The following RBM20 variants were observed in gnomAD, a reference collection of about 807,000 sequenced individuals.
The protein encoded by RBM20 is RNA-binding protein 20.
RBM20 carries 51 observed loss-of-function variants against 110.1 expected under a neutral mutation model. The observed-to-expected ratio is 0.46, with a 90% CI of 0.37 to 0.59. The LOEUF is 0.59. Among genes scored for constraint, RBM20 ranks in the 20% least tolerant of loss-of-function variants. RBM20 has a pLI of 0.00. For synonymous variants in RBM20, 589 were observed against 618.2 expected, an observed-to-expected ratio of 0.95 and a Z score of 0.70; for missense variants, 1,512 against 1,574.9, an observed-to-expected ratio of 0.96 and a Z score of 0.68.
intron 1 of RBM20, among the ~76,000 whole-genome samples, chr10:110,752,757 G>A (rs778162544): frequency 3.3e-5 from 5 of 152,014 alleles, no homozygotes; most frequent in Non-Finnish European, 4.4e-5. Context: ...CTGGCACCCA[G>A]AAGCCCTCGA....
At chr10:110,718,608 C>CTTTTTTTTTTT (rs61629487) in intron 1 of RBM20, among the ~76,000 whole-genome samples, 15 of 101,548 alleles carry the variant, frequency 1.5e-4, no homozygotes, top group Admixed American at 3.5e-4. Flanking sequence ...CTACTCCATT[C>CTTTTTTTTTTT]TTTTTTTTTT....
chr10:110,772,818 C>T (rs758808237), intron 1 of RBM20, among the ~76,000 whole-genome samples: 137 of 152,302 alleles, frequency 9.0e-4, no homozygotes, highest in Non-Finnish European at 1.4e-3. Context: ...ATATAATTAT[C>T]ATATTTTCCA....
At chr10:110,664,576 G>A (rs953548836) in intron 1 of RBM20, among the ~76,000 whole-genome samples, 18 of 151,790 alleles carry the variant, frequency 1.2e-4, no homozygotes, top group Admixed American at 5.3e-4. Flanking sequence ...GTGAAAACCC[G>A]TCTCTACTAA....
chr10:110,813,027 G>A lies in RBM20; in HGVS notation c.2550+80G>A, dbSNP rs186175791. ...TCATAATAATATAATGAGGATGAAC[G>A]TTTATTGAATGAATGAACATTTACT... On this transcript the variant is annotated intron_variant, in intron 9 of 13. Transcript: ENST00000369519. The A allele has an allele frequency of 8.4e-4, 857 of 1,016,136 alleles. 7 individuals carry two copies. The African/African-American group carries it at 0.012, about 14-fold the overall frequency. The allele number at this position is 1,016,136 out of a possible 1,614,324, so 62.9% of individuals were successfully genotyped here.
In RBM20 at chr10:110,644,431, G is replaced by T. The variant is rs995016754; in HGVS notation, c.-24G>T. 1.4e-6 allele frequency: 2 copies of T among 1,451,308 alleles called. No individual in the cohort carries two copies. Among genetic ancestry groups the T allele is most frequent in the Non-Finnish European group, 9.0e-7 (1 of 1,106,322 alleles). The allele number at this position is 1,451,308 out of a possible 1,614,324, so 89.9% of individuals were successfully genotyped here. On this transcript the variant is annotated 5_prime_UTR_variant, in exon 1 of 14. Transcript: ENST00000369519. The surrounding 1 kb of genome is among the most constrained non-coding windows in gnomAD (Gnocchi z 4.3). ...CCCCTCCCTTGAGCTCTCTCGCCGC[G>T]ATCCCGGGCGGGTCTCGCCCCGCAT...
At chr10:110,668,900 A>C (rs9651465) in intron 1 of RBM20, among the ~76,000 whole-genome samples, 1 of 151,606 alleles carries the variant, frequency 6.6e-6, no homozygotes, top group Admixed American at 6.6e-5. Context: ...AAAAAAAAAA[A>C]CCAAAAAACC....
chr10:110,671,740 T>C (rs1451379642), intron 1 of RBM20, among the ~76,000 whole-genome samples: 1 of 152,042 alleles, frequency 6.6e-6, no homozygotes, highest in East Asian at 1.9e-4. Context: ...GTTTAAGATA[T>C]ATATATATAT....
At chr10:110,808,311 G>A (rs544881760) in intron 7 of RBM20, among the ~76,000 whole-genome samples, 15 of 152,354 alleles carry the variant, frequency 9.8e-5, no homozygotes, top group African/African-American at 3.6e-4. Context: ...CAACAGGCTT[G>A]GCTTCTATCC....
chr10:110,750,065 G>A (rs1197272904), intron 1 of RBM20, among the ~76,000 whole-genome samples: 1 of 152,206 alleles, frequency 6.6e-6, no homozygotes, highest in Non-Finnish European at 1.5e-5. Flanking sequence ...ACACATAGGT[G>A]TTGCCTCTGG....
intron 1 of RBM20, among the ~76,000 whole-genome samples, chr10:110,738,366 G>A (rs1843693292): frequency 6.6e-6 from 1 of 152,166 alleles, no homozygotes; most frequent in African/African-American, 2.4e-5. Flanking sequence ...GGGGTCTGGG[G>A]GGAGCATGGC....
intron 10 of RBM20, 60 bp downstream of exon 10, chr10:110,820,236 C>A: frequency 8.4e-7 from 1 of 1,190,478 alleles, no homozygotes; most frequent in Non-Finnish European, 1.2e-6. Flanking sequence ...AGGAGTCCCC[C>A]TTTTGCCTGG....
chr10:110,646,538 A>C (rs1219916835), intron 1 of RBM20, among the ~76,000 whole-genome samples: 2 of 152,242 alleles, frequency 1.3e-5, no homozygotes, highest in Non-Finnish European at 1.5e-5. Flanking sequence ...TTCAGGGACC[A>C]GGTCCCAGGG....
chr10:110,671,551 T>C (rs1862258347), intron 1 of RBM20, among the ~76,000 whole-genome samples: 1 of 152,156 alleles, frequency 6.6e-6, no homozygotes, highest in Non-Finnish European at 1.5e-5. Flanking sequence ...AGTTACTGCC[T>C]CTTTAAAGTG....
chr10:110,734,618 C>CATTTTTTTTTTTTTTTTTTTT (rs34824300), intron 1 of RBM20, among the ~76,000 whole-genome samples: 2 of 136,532 alleles, frequency 1.5e-5, no homozygotes, highest in African/African-American at 2.7e-5. Context: ...AAAATTCCCT[C>CATTTTTTTTTTTTTTTTTTTT]TTTTTTTTTT....
At chr10:110,824,534 T>A (rs4918598) in intron 12 of RBM20, among the ~76,000 whole-genome samples, 84,293 of 151,864 alleles carry the variant, frequency 0.56, 23,590 homozygotes, top group East Asian at 0.65. Context: ...TAGTTTCCTC[T>A]CTGTAATTTA....
At chr10:110,779,208 AG>A (rs1215433575) in intron 1 of RBM20, among the ~76,000 whole-genome samples, 2 of 152,162 alleles carry the variant, frequency 1.3e-5, no homozygotes, top group Non-Finnish European at 2.9e-5. Flanking sequence ...GCAGGATGGA[AG>A]GGTTGGGACT....
intron 1 of RBM20, among the ~76,000 whole-genome samples, chr10:110,664,383 A>C (rs1862148369): frequency 6.6e-6 from 1 of 152,244 alleles, no homozygotes; most frequent in South Asian, 2.1e-4. Context: ...TGGGCATTAA[A>C]AATAATAACT....
intron 1 of RBM20, among the ~76,000 whole-genome samples, chr10:110,776,866 T>G (rs1844271979): frequency 1.3e-5 from 2 of 152,206 alleles, no homozygotes; most frequent in Admixed American, 6.5e-5. Context: ...CTGAAGCTCC[T>G]GCATTGGAGT....
At chr10:110,782,026 C>G in intron 2 of RBM20, 142 bp downstream of exon 2, 1 of 1,010,676 alleles carries the variant, frequency 9.9e-7, no homozygotes, top group South Asian at 1.5e-5. Context: ...TGACTAAAAT[C>G]ACAGGTATTA....
Sources: allele counts gnomAD v4.1 joint callset (sites outside exome capture counted in the v4.1 genomes callset), GRCh38; gene constraint gnomAD v4.1.1; non-coding constraint Gnocchi (gnomAD v3.1); transcripts MANE v1.5; gene names NCBI Gene and HGNC (gene_info 2026-07-23, HGNC 2026-07-21).